UTRN: variants seen among roughly 807,000 people sequenced by gnomAD.
UTRN encodes utrophin.
UTRN carries 283 observed loss-of-function variants against 463.9 expected under a neutral mutation model. The observed-to-expected ratio is 0.61, with a 90% confidence interval of 0.55 to 0.67. The LOEUF is 0.67. Ranked by LOEUF, UTRN falls within the 30% of genes least tolerant of loss-of-function variation. The pLI, the probability that UTRN is intolerant of heterozygous loss-of-function variation, is 0.00. For synonymous variants in UTRN, 1,442 were observed against 1,431.5 expected, an observed-to-expected ratio of 1.01 and a Z score of -0.17; for missense variants, 3,922 against 4,084.3, an observed-to-expected ratio of 0.96 and a Z score of 1.08.
At chr6:144,849,306 T>C (rs1390205202) in intron 74 of UTRN, among the ~76,000 whole-genome samples, 1 of 151,930 alleles carries the variant, frequency 6.6e-6, no homozygotes, top group African/African-American at 2.4e-5. Context: ...GGATAAAGGG[T>C]ACAAAGAGGT....
At chr6:144,685,434 A>T (rs1400550843) in intron 52 of UTRN, among the ~76,000 whole-genome samples, 1 of 152,138 alleles carries the variant, frequency 6.6e-6, no homozygotes, top group African/African-American at 2.4e-5. Flanking sequence ...ATGTACTTTT[A>T]GTTCTTTGAG....
rs762307912 is a variant in UTRN at position 144,360,074 on chromosome 6, TCCCTTCCCTTCCCTTCCCTC to T, written c.80-43044_80-43025del. ...TCCCTTCCCTTCCCTTCCCTTCCCT[TCCCTTCCCTTCCCTTCCCTC>T]CCCTCCCCTCCCCTCCCCCCTTCCT... On this transcript the variant is annotated intron_variant, in intron 2 of 74. Transcript: ENST00000367545. Among the ~76,000 whole-genome samples, 69 of 98,178 alleles carry T rather than the reference TCCCTTCCCTTCCCTTCCCTC, an allele frequency of 7.0e-4. 1 individual carries two copies. Among genetic ancestry groups the T allele is most frequent in the Admixed American group, 1.0e-3 (9 of 9,000 alleles). 64.4% of individuals were successfully genotyped at this position (98,178 alleles called of 152,430 possible).
At chr6:144,752,232 G>A (rs1178468648) in intron 56 of UTRN, among the ~76,000 whole-genome samples, 2 of 151,904 alleles carry the variant, frequency 1.3e-5, no homozygotes, top group Non-Finnish European at 2.9e-5. Context: ...ACCTGTGGTA[G>A]GTCACAGAAA....
chr6:144,607,486 T>C lies in UTRN; in HGVS notation c.7479+30198T>C, dbSNP rs75133786. On this transcript the variant is annotated intron_variant, in intron 51 of 74. Transcript: ENST00000367545. ...CCAACTTTTACCATGGAAATAAGTT[T>C]AGGAAATGCTCTTTCTGCTATACCA... 1.6e-3 allele frequency among the ~76,000 whole-genome samples: 239 copies of C among 152,340 alleles called. 1 individual carries two copies. The highest frequency in any genetic ancestry group is 5.6e-3 in the African/African-American group (233 of 41,592).
chr6:144,383,396 T>A (rs1781110515), intron 2 of UTRN, among the ~76,000 whole-genome samples: 2 of 152,220 alleles, frequency 1.3e-5, no homozygotes, highest in Non-Finnish European at 2.9e-5. Context: ...TACGATAGAT[T>A]AACTAAGAAA....
rs1465498255 is a variant in UTRN, at chr6:144,827,367, A to G, written c.9514A>G (p.Met3172Val). 1.9e-6 allele frequency: 3 copies of G among 1,613,484 alleles called. No individual in the cohort carries two copies. Among genetic ancestry groups the G allele is most frequent in the Admixed American group, 1.7e-5 (1 of 59,968 alleles). Residue 3172 changes from methionine to valine, a missense_variant, in exon 67 of 75, where the codon ATG (methionine) becomes GTG (valine). Coordinates refer to ENST00000367545, the MANE Select transcript of UTRN (RefSeq NM_007124.3). ...NLETPITLIS[M>V]WPEHYDPSQS... The stretch of plus-strand genomic sequence containing the variant: ...TTGCAGTCCTATCACACTCATCAGT[A>G]TGTGGCCAGAGCACTATGAGTGAGT...
At chr6:144,367,609 T>C (rs575605131) in intron 2 of UTRN, among the ~76,000 whole-genome samples, 1 of 152,348 alleles carries the variant, frequency 6.6e-6, no homozygotes, top group African/African-American at 2.4e-5. Context: ...GATAGCATAG[T>C]AACCTACTAG....
intron 2 of UTRN, among the ~76,000 whole-genome samples, chr6:144,381,795 A>G (rs1475945293): frequency 6.6e-6 from 1 of 152,210 alleles, no homozygotes; most frequent in African/African-American, 2.4e-5. Context: ...AAGTCCATTA[A>G]ATCTCTTTCT....
At chr6:144,356,154 A>C (rs763071771) in intron 2 of UTRN, among the ~76,000 whole-genome samples, 15 of 152,202 alleles carry the variant, frequency 9.9e-5, no homozygotes, top group Non-Finnish European at 7.3e-5. Context: ...ATGAATGACA[A>C]TCATTACTTA....
chr6:144,850,565 C>T (rs2128767452), intron 74 of UTRN, among the ~76,000 whole-genome samples: 1 of 152,196 alleles, frequency 6.6e-6, no homozygotes, highest in East Asian at 1.9e-4. Context: ...GTTATGATTC[C>T]TGCCTTGCCT....
chr6:144,469,703 CTT>C (rs545551155), intron 23 of UTRN, among the ~76,000 whole-genome samples: 1 of 135,702 alleles, frequency 7.4e-6, no homozygotes. Flanking sequence ...TGTTTCTTTC[CTT>C]TTTTTTTTTA....
At chr6:144,322,917 T>G (rs939097037) in intron 2 of UTRN, among the ~76,000 whole-genome samples, 1 of 145,536 alleles carries the variant, frequency 6.9e-6, no homozygotes, top group African/African-American at 2.5e-5. Context: ...CATTACAGCC[T>G]GGGTGACAGA....
At chr6:144,575,816 A>G (rs1484600456) in intron 50 of UTRN, among the ~76,000 whole-genome samples, 2 of 152,166 alleles carry the variant, frequency 1.3e-5, no homozygotes, top group African/African-American at 4.8e-5. Context: ...CAGGATTTTT[A>G]GTATATTCAC....
intron 45 of UTRN, 71 bp downstream of exon 45, chr6:144,539,514 A>C (rs1436547533): frequency 6.8e-7 from 1 of 1,460,470 alleles, no homozygotes; most frequent in Admixed American, 2.4e-5. Flanking sequence ...GGGATCATGT[A>C]ACTGCTTTAC....
intron 74 of UTRN, 24 bp downstream of exon 74, chr6:144,846,851 C>A: frequency 6.2e-7 from 1 of 1,613,922 alleles, no homozygotes; most frequent in Non-Finnish European, 8.5e-7. Context: ...GCTTGGTTGG[C>A]TCTATGTTAC....
chr6:144,307,477 G>A (rs1163496103), intron 2 of UTRN, among the ~76,000 whole-genome samples: 1 of 152,180 alleles, frequency 6.6e-6, no homozygotes, highest in Non-Finnish European at 1.5e-5. Flanking sequence ...TCTTGTTAGA[G>A]GAAGAGTGAC....
At chr6:144,332,121 G>C (rs2114608448) in intron 2 of UTRN, among the ~76,000 whole-genome samples, 1 of 152,304 alleles carries the variant, frequency 6.6e-6, no homozygotes, top group Non-Finnish European at 1.5e-5. Context: ...AATTGCACCT[G>C]CTTAGAGAAG....
chr6:144,713,845 G>A (rs572915712), intron 53 of UTRN, among the ~76,000 whole-genome samples: 4 of 151,644 alleles, frequency 2.6e-5, no homozygotes, highest in Admixed American at 1.3e-4. Flanking sequence ...GCTTGAACCC[G>A]GGAGGAGGAG....
chr6:144,343,345 G>C (rs865859156), intron 2 of UTRN, among the ~76,000 whole-genome samples: 14 of 148,958 alleles, frequency 9.4e-5, no homozygotes, highest in Admixed American at 2.7e-4. Context: ...CCAACATGGT[G>C]AAATCCCGTC....
Sources: gnomAD v4.1 joint callset for allele counts (sites outside exome capture counted in the v4.1 genomes callset) on GRCh38, gnomAD v4.1.1 for gene constraint, MANE v1.5 for transcripts, NCBI Gene and HGNC (gene_info 2026-07-23, HGNC 2026-07-21) for gene names.